JAM3: variants seen among roughly 807,000 people sequenced by gnomAD.
JAM3 encodes junctional adhesion molecule C.
Under a neutral mutation model 39.4 loss-of-function variants are expected in JAM3, and 31 were observed. The ratio of observed to expected loss-of-function variants is 0.79; its 90% CI spans 0.59 to 1.06. The LOEUF (loss-of-function observed/expected upper bound fraction) is 1.06. Ranked by LOEUF, JAM3 falls within the 50% of genes least tolerant of loss-of-function variation. The probability of loss-of-function intolerance (pLI) is 0.00; values close to 1 mark genes in which losing one functional copy is unlikely to be tolerated. For synonymous variants in JAM3, 182 were observed against 148.7 expected (o/e 1.22, Z -1.63); for missense variants, 455 against 391.4 (o/e 1.16, Z -1.37).
intron 1 of JAM3, among the ~76,000 whole-genome samples, chr11:134,083,245 T>G (rs1375327021): frequency 6.6e-6 from 1 of 152,210 alleles, no homozygotes; most frequent in African/African-American, 2.4e-5. Flanking sequence ...TGGGTGGAAT[T>G]CCTCTGTCAT....
chr11:134,082,999 A>AT (rs1280209081), intron 1 of JAM3, among the ~76,000 whole-genome samples: 17 of 152,168 alleles, frequency 1.1e-4, no homozygotes, highest in Non-Finnish European at 2.1e-4. Context: ...TGACTTTTCT[A>AT]TTTTATGGAT....
chr11:134,069,321 A>T (rs1941448545), intron 1 of JAM3, among the ~76,000 whole-genome samples, 162 bp downstream of exon 1: 1 of 152,094 alleles, frequency 6.6e-6, no homozygotes, highest in South Asian at 2.1e-4. Flanking sequence ...GCGTCCCCGC[A>T]GCCAGGGCTG....
chr11:134,133,096 G>T (rs1591801561), intron 1 of JAM3, among the ~76,000 whole-genome samples: 1 of 152,208 alleles, frequency 6.6e-6, no homozygotes, highest in South Asian at 2.1e-4. Context: ...TTTCCAAGCT[G>T]TTTGCATGCT....
rs34729848 is a variant in JAM3 at position 134,134,398 on chromosome 11, C to CAAAAAAAAAAAAAAAAA, written c.77-5445_77-5429dup. ...AGAAAACACCAAACAGGATAAATGC[C>CAAAAAAAAAAAAAAAAA]AAAAAAAAAAAAAAAAAAAAAAAAC... On this transcript the variant is annotated intron_variant, in intron 1 of 8. Coordinates refer to ENST00000299106, the MANE Select transcript of JAM3 (RefSeq NM_032801.5). Among the ~76,000 whole-genome samples the CAAAAAAAAAAAAAAAAA allele has an allele frequency of 2.1e-3, 66 of 31,888 alleles. 2 individuals are homozygous for CAAAAAAAAAAAAAAAAA. The highest frequency in any genetic ancestry group is 2.5e-3 in the Non-Finnish European group (45 of 18,218). The allele number at this position is 31,888 out of a possible 152,430, so 20.9% of individuals were successfully genotyped here.
At chr11:134,125,219 C>T (rs1012575954) in intron 1 of JAM3, among the ~76,000 whole-genome samples, 2 of 152,198 alleles carry the variant, frequency 1.3e-5, no homozygotes, top group Admixed American at 6.5e-5. Flanking sequence ...AGCTCCCGCC[C>T]CCTCTTCTCT....
chr11:134,125,892 C>T (rs928500040), intron 1 of JAM3, among the ~76,000 whole-genome samples: 22 of 152,176 alleles, frequency 1.4e-4, no homozygotes, highest in Admixed American at 9.8e-4. Context: ...AAAAGCACCC[C>T]GATGGGTTCA....
chr11:134,082,133 G>A (rs1414016115), intron 1 of JAM3, among the ~76,000 whole-genome samples: 1 of 152,178 alleles, frequency 6.6e-6, no homozygotes, highest in Non-Finnish European at 1.5e-5. Context: ...GGGGCCTATA[G>A]CCCCTTTGTC....
At chr11:134,104,010 A>G (rs918381942) in intron 1 of JAM3, among the ~76,000 whole-genome samples, 7 of 152,234 alleles carry the variant, frequency 4.6e-5, no homozygotes, top group Non-Finnish European at 1.0e-4. Context: ...AAGCGGACAT[A>G]ATAGACATCT....
chr11:134,145,917 G>C (rs1943062850), intron 5 of JAM3, 29 bp from the exon 6 acceptor site: 2 of 1,512,664 alleles, frequency 1.3e-6, no homozygotes, highest in Admixed American at 1.7e-5. Flanking sequence ...TGATGGGTCC[G>C]ATTATTTACT....
intron 1 of JAM3, among the ~76,000 whole-genome samples, chr11:134,093,292 C>T (rs1423604112): frequency 7.3e-6 from 1 of 136,810 alleles, no homozygotes; most frequent in Non-Finnish European, 1.6e-5. Flanking sequence ...TCGTCATGTT[C>T]CACCTTACAT....
At chr11:134,097,799 T>G (rs899770752) in intron 1 of JAM3, among the ~76,000 whole-genome samples, 2 of 151,870 alleles carry the variant, frequency 1.3e-5, no homozygotes, top group African/African-American at 4.8e-5. Flanking sequence ...GGAAAGTAGT[T>G]TAAAAGAGTG....
chr11:134,135,400 C>T (rs544010682), intron 1 of JAM3, among the ~76,000 whole-genome samples: 240 of 152,208 alleles, frequency 1.6e-3, no homozygotes, highest in African/African-American at 5.3e-3. Context: ...TGTGGGGGGA[C>T]CCCACACTGT....
chr11:134,134,564 G>A (rs969251853), intron 1 of JAM3, among the ~76,000 whole-genome samples: 2 of 152,166 alleles, frequency 1.3e-5, no homozygotes, highest in Non-Finnish European at 2.9e-5. Context: ...GTAATTCTGT[G>A]TTTAACTTTT....
At chr11:134,091,071 A>T (rs982584467) in intron 1 of JAM3, among the ~76,000 whole-genome samples, 2 of 152,190 alleles carry the variant, frequency 1.3e-5, no homozygotes, top group African/African-American at 4.8e-5. Context: ...CAATAGTGTC[A>T]GTGGTATTTT....
chr11:134,142,993 C>G (rs930577596), intron 3 of JAM3, among the ~76,000 whole-genome samples: 1 of 152,164 alleles, frequency 6.6e-6, no homozygotes, highest in Non-Finnish European at 1.5e-5. Context: ...TTTACCCATT[C>G]TATTGATGGA....
intron 1 of JAM3, among the ~76,000 whole-genome samples, chr11:134,083,917 C>T (rs1391770866): frequency 6.6e-6 from 1 of 152,096 alleles, no homozygotes; most frequent in East Asian, 1.9e-4. Context: ...TTGCATCTGC[C>T]CTTTCATAGA....
chr11:134,100,639 C>T (rs1268687173), intron 1 of JAM3, among the ~76,000 whole-genome samples: 1 of 152,184 alleles, frequency 6.6e-6, no homozygotes, highest in Non-Finnish European at 1.5e-5. Context: ...CTAATAGTGG[C>T]TGATACCATG....
chr11:134,102,377 C>T (rs1166686266), intron 1 of JAM3, among the ~76,000 whole-genome samples: 4 of 152,180 alleles, frequency 2.6e-5, no homozygotes, highest in East Asian at 1.9e-4. Context: ...TCACCATCAT[C>T]GAGGACCAAA....
At chr11:134,138,534 G>T (rs1316023515) in intron 1 of JAM3, among the ~76,000 whole-genome samples, 1 of 152,244 alleles carries the variant, frequency 6.6e-6, no homozygotes, top group Non-Finnish European at 1.5e-5. Flanking sequence ...AGGAGCCCGT[G>T]TGGCCTTGGT....
Sources: allele counts gnomAD v4.1 joint callset (sites outside exome capture counted in the v4.1 genomes callset), GRCh38; gene constraint gnomAD v4.1.1; transcripts MANE v1.5; gene names NCBI Gene and HGNC (gene_info 2026-07-23, HGNC 2026-07-21).